The following FNDC3A variants were observed in gnomAD, a reference collection of about 807,000 sequenced individuals.
FNDC3A encodes the protein fibronectin type III domain containing 3A.
A neutral mutation model predicts 148.9 loss-of-function variants in FNDC3A; 32 were observed. That is an observed-to-expected ratio of 0.21 (90% CI 0.16 to 0.29). The LOEUF is 0.29. Among genes scored for constraint, FNDC3A ranks in the 10% least tolerant of loss-of-function variants. FNDC3A has a pLI of 1.00. For synonymous variants in FNDC3A, 472 were observed against 473.6 expected, an observed-to-expected ratio of 1.00 and a Z score of 0.04; for missense variants, 1,191 against 1,452.8, an observed-to-expected ratio of 0.82 and a Z score of 2.93.
intron 4 of FNDC3A, among the ~76,000 whole-genome samples, chr13:49,118,764 C>A (rs182349825): frequency 6.6e-6 from 1 of 152,188 alleles, no homozygotes; most frequent in African/African-American, 2.4e-5. Context: ...CAGAGCCCAC[C>A]GCAGCTCATC....
In FNDC3A at chr13:49,012,805, A is replaced by ATGTGTGTGTGTGTGTGTGTGTG. The variant is rs61137549; in HGVS notation, c.99+6530_99+6551dup. Among the ~76,000 whole-genome samples the ATGTGTGTGTGTGTGTGTGTGTG allele has an allele frequency of 1.9e-3, 256 of 134,608 alleles. 2 individuals carry two copies. Among genetic ancestry groups the ATGTGTGTGTGTGTGTGTGTGTG allele is most frequent in the Middle Eastern group, 0.019 (5 of 264 alleles). 88.3% of individuals were successfully genotyped at this position (134,608 alleles called of 152,430 possible). On this transcript the variant is annotated intron_variant, in intron 2 of 25. Coordinates refer to ENST00000492622, the MANE Select transcript of FNDC3A (RefSeq NM_001079673.2). The stretch of plus-strand genomic sequence containing the variant: ...CTTGGGTTTTTATATGCAATTATAA[A>ATGTGTGTGTGTGTGTGTGTGTG]TGTGTGTGTGTGTGTGTGTGTGTGT...
intron 3 of FNDC3A, among the ~76,000 whole-genome samples, chr13:49,096,209 A>C (rs1425829709): frequency 6.6e-6 from 1 of 152,144 alleles, no homozygotes; most frequent in East Asian, 1.9e-4. Context: ...ACAAAATAAC[A>C]TAATGGTTGC....
intron 2 of FNDC3A, among the ~76,000 whole-genome samples, chr13:49,043,529 T>A (rs561524679): frequency 1.3e-5 from 2 of 152,332 alleles, no homozygotes; most frequent in Admixed American, 1.3e-4. Flanking sequence ...TCCTTTAATA[T>A]TTTGTCTCCT....
chr13:49,126,380 G>A (rs192585867), intron 4 of FNDC3A, among the ~76,000 whole-genome samples: 1 of 152,034 alleles, frequency 6.6e-6, no homozygotes, highest in East Asian at 1.9e-4. Flanking sequence ...TGCACTACCA[G>A]CTCCACCCTC....
intron 11 of FNDC3A, among the ~76,000 whole-genome samples, chr13:49,173,271 A>T (rs923761240): frequency 3.3e-5 from 5 of 152,266 alleles, no homozygotes; most frequent in African/African-American, 9.6e-5. Flanking sequence ...ATATTAAAAG[A>T]ATAATAAAGC....
chr13:49,061,970 A>G (rs956174288), intron 2 of FNDC3A, among the ~76,000 whole-genome samples: 7 of 150,610 alleles, frequency 4.6e-5, no homozygotes. Context: ...AGAAAGAATG[A>G]TGTTTTAAAA....
intron 8 of FNDC3A, among the ~76,000 whole-genome samples, chr13:49,160,952 A>T (rs1006612402): frequency 1.3e-5 from 2 of 152,178 alleles, no homozygotes; most frequent in Admixed American, 6.5e-5. Flanking sequence ...CTTAATCCTG[A>T]ATTCTAATTT....
chr13:49,148,870 A>C (rs553556282), intron 8 of FNDC3A, among the ~76,000 whole-genome samples: 1 of 152,150 alleles, frequency 6.6e-6, no homozygotes, highest in East Asian at 1.9e-4. Context: ...TGTTCTCTTC[A>C]ATTTCTTTCA....
intron 9 of FNDC3A, among the ~76,000 whole-genome samples, chr13:49,168,341 G>A (rs540860471): frequency 1.3e-5 from 2 of 152,104 alleles, no homozygotes; most frequent in Non-Finnish European, 2.9e-5. Flanking sequence ...AAGCATCAGT[G>A]TATTCCCCAT....
intron 17 of FNDC3A, 150 bp from the exon 18 acceptor site, chr13:49,190,865 T>C: frequency 1.7e-6 from 1 of 590,358 alleles, no homozygotes; most frequent in Non-Finnish European, 2.9e-6. Context: ...TCATTTTTTT[T>C]CAGAACTTTA....
chr13:49,010,904 C>A (rs1052466803), intron 2 of FNDC3A, among the ~76,000 whole-genome samples: 3 of 151,428 alleles, frequency 2.0e-5, no homozygotes, highest in Non-Finnish European at 4.4e-5. Flanking sequence ...CTTGGTTTAA[C>A]TATTCTTTTG....
intron 2 of FNDC3A, among the ~76,000 whole-genome samples, chr13:49,073,663 A>G (rs1267588579): frequency 6.1e-5 from 9 of 147,914 alleles, no homozygotes; most frequent in Non-Finnish European, 1.0e-4. Context: ...TTTCATATGT[A>G]TATATATATA....
chr13:49,046,992 T>G (rs1198462701), intron 2 of FNDC3A, among the ~76,000 whole-genome samples: 2 of 152,126 alleles, frequency 1.3e-5, no homozygotes, highest in Admixed American at 1.3e-4. Flanking sequence ...TAGTCTTTTA[T>G]CCCTCACCTC....
intron 1 of FNDC3A, among the ~76,000 whole-genome samples, chr13:49,001,710 A>T (rs1158195507): frequency 2.0e-5 from 3 of 152,114 alleles, no homozygotes; most frequent in Admixed American, 1.3e-4. Context: ...GCTTATTAGG[A>T]TGAGGAAATT....
intron 1 of FNDC3A, among the ~76,000 whole-genome samples, chr13:48,984,231 C>T (rs1951748563): frequency 6.6e-6 from 1 of 152,068 alleles, no homozygotes; most frequent in African/African-American, 2.4e-5. Flanking sequence ...CAACTTAATG[C>T]CATAAAAATG....
intron 3 of FNDC3A, among the ~76,000 whole-genome samples, chr13:49,088,334 A>G (rs1878949386): frequency 6.6e-6 from 1 of 152,168 alleles, no homozygotes; most frequent in Admixed American, 6.5e-5. Flanking sequence ...TCATCATGAA[A>G]TTACTTGGAA....
intron 7 of FNDC3A, among the ~76,000 whole-genome samples, chr13:49,140,553 C>T (rs183749309): frequency 2.9e-4 from 44 of 152,242 alleles, no homozygotes; most frequent in Admixed American, 2.4e-3. Context: ...CTACAAAGTG[C>T]AGGTCAGGGT....
At chr13:49,007,569 T>C (rs1317816947) in intron 2 of FNDC3A, among the ~76,000 whole-genome samples, 2 of 152,140 alleles carry the variant, frequency 1.3e-5, no homozygotes, top group African/African-American at 4.8e-5. Flanking sequence ...TTACAGTACA[T>C]TGATAGAGTT....
At chr13:49,009,429 G>A (rs1952290981) in intron 2 of FNDC3A, among the ~76,000 whole-genome samples, 1 of 152,170 alleles carries the variant, frequency 6.6e-6, no homozygotes, top group Admixed American at 6.6e-5. Context: ...AAACATTCAT[G>A]TGCAGATTTT....
Sources: gnomAD v4.1 joint callset for allele counts (sites outside exome capture counted in the v4.1 genomes callset) on GRCh38, gnomAD v4.1.1 for gene constraint, MANE v1.5 for transcripts, NCBI Gene and HGNC (gene_info 2026-07-23, HGNC 2026-07-21) for gene names.